Variants in LDAH observed in about 807,000 individuals in gnomAD.
The protein encoded by LDAH is lipid droplet-associated hydrolase.
In LDAH, 26 loss-of-function variants were observed where a neutral mutation model predicts 29.6. That is an observed-to-expected ratio of 0.88 (90% CI 0.64 to 1.22). The LOEUF (loss-of-function observed/expected upper bound fraction) is 1.22, where lower values mean the gene tolerates loss of function less well. Ranked by LOEUF, LDAH falls within the 50% of genes most tolerant of loss-of-function variation. LDAH has a pLI of 0.00. For missense variants in LDAH, 344 were observed against 387.3 expected, an observed-to-expected ratio of 0.89 and a Z score of 0.94; for synonymous variants, 117 against 133.0, an observed-to-expected ratio of 0.88 and a Z score of 0.83.
chr2:20,695,751 A>T (rs1280412171), intron 6 of LDAH, among the ~76,000 whole-genome samples: 2 of 152,122 alleles, frequency 1.3e-5, no homozygotes, highest in African/African-American at 2.4e-5. Flanking sequence ...CCCGGCGGAG[A>T]TACTCTTATA....
chr2:20,699,190 G>A (rs1337001080), intron 6 of LDAH, among the ~76,000 whole-genome samples: 2 of 152,160 alleles, frequency 1.3e-5, no homozygotes, highest in Admixed American at 6.5e-5. Context: ...TATTCACACT[G>A]GACAGTCCTG....
chr2:20,774,008 A>G (rs971944815), intron 4 of LDAH, among the ~76,000 whole-genome samples: 6 of 152,114 alleles, frequency 3.9e-5, no homozygotes, highest in Non-Finnish European at 8.8e-5. Flanking sequence ...TACTTCAAAG[A>G]CTGTCTTACT....
intron 4 of LDAH, among the ~76,000 whole-genome samples, chr2:20,762,681 T>C (rs1178016252): frequency 1.3e-5 from 2 of 152,222 alleles, no homozygotes; most frequent in Non-Finnish European, 2.9e-5. Flanking sequence ...TTTTGATATA[T>C]TAGTTCTTCA....
chr2:20,738,081 G>C (rs1666919607), intron 5 of LDAH, among the ~76,000 whole-genome samples: 1 of 145,610 alleles, frequency 6.9e-6, no homozygotes, highest in South Asian at 2.2e-4. Flanking sequence ...GTGAAACTCT[G>C]TCTCTAAAAA....
chr2:20,792,096 C>T (rs1338645591), intron 2 of LDAH, among the ~76,000 whole-genome samples: 1 of 151,810 alleles, frequency 6.6e-6, no homozygotes. Context: ...AGTTTCAATT[C>T]TTAAAAATCT....
intron 4 of LDAH, among the ~76,000 whole-genome samples, chr2:20,765,151 A>G (rs1572578037): frequency 6.6e-6 from 1 of 152,266 alleles, no homozygotes; most frequent in Admixed American, 6.5e-5. Context: ...GTAGACTAAA[A>G]GACAAATGGA....
At position 20,774,997 on chromosome 2, in the gene LDAH, A is replaced by G; in HGVS notation, c.299-18T>C. 6.3e-7 allele frequency: 1 copy of G among 1,576,062 alleles called. No individual in the cohort carries two copies. The highest frequency in any genetic ancestry group is 1.4e-5 in the African/African-American group (1 of 73,556). Reference sequence around the variant, plus strand: ...GTTTGAATCTAAAAGCAAAAATATGAGCACGTTTTCATTAAGTAAAAGTAA... The same window carrying G: ...GTTTGAATCTAAAAGCAAAAATATGGGCACGTTTTCATTAAGTAAAAGTAA... On this transcript the variant is annotated intron_variant, in intron 3 of 6. Transcript: ENST00000237822.
At chr2:20,744,186 A>G (rs1667410209) in intron 4 of LDAH, among the ~76,000 whole-genome samples, 1 of 148,418 alleles carries the variant, frequency 6.7e-6, no homozygotes, top group African/African-American at 2.5e-5. Flanking sequence ...CAGAATCCCT[A>G]TCTGTCTGGG....
At chr2:20,799,680 CTGCACCCTTCCCAGCCT>C (rs1305125294) in intron 2 of LDAH, among the ~76,000 whole-genome samples, 4 of 152,166 alleles carry the variant, frequency 2.6e-5, no homozygotes, top group Non-Finnish European at 5.9e-5. Flanking sequence ...CCTCCCAGCC[CTGCACCCTTCCCAGCCT>C]TTAGTATCTA....
intron 5 of LDAH, among the ~76,000 whole-genome samples, chr2:20,706,867 AAGG>A (rs1032032216): frequency 2.0e-5 from 3 of 152,246 alleles, no homozygotes; most frequent in Non-Finnish European, 4.4e-5. Context: ...ACAGTGCAAG[AAGG>A]AGAAGTACAA....
intron 4 of LDAH, among the ~76,000 whole-genome samples, chr2:20,774,239 C>T (rs1245242729): frequency 2.0e-5 from 3 of 152,152 alleles, no homozygotes; most frequent in Non-Finnish European, 4.4e-5. Flanking sequence ...GCGTCTCTAG[C>T]GCCTCACTTA....
At chr2:20,814,531 G>A (rs977589690) in intron 1 of LDAH, among the ~76,000 whole-genome samples, 2 of 151,942 alleles carry the variant, frequency 1.3e-5, no homozygotes, top group South Asian at 2.1e-4. Context: ...CACAATCTTC[G>A]CTCACTGCAG....
intron 5 of LDAH, among the ~76,000 whole-genome samples, chr2:20,731,533 CAT>C (rs892522489): frequency 6.6e-6 from 1 of 152,172 alleles, no homozygotes; most frequent in Non-Finnish European, 1.5e-5. Flanking sequence ...TGCATTAATA[CAT>C]GTTTACTATG....
intron 5 of LDAH, among the ~76,000 whole-genome samples, chr2:20,703,253 T>G (rs1309164651): frequency 1.3e-5 from 2 of 152,366 alleles, no homozygotes; most frequent in East Asian, 3.9e-4. Flanking sequence ...AAACCATAGT[T>G]TTCTTTTCCA....
intron 3 of LDAH, among the ~76,000 whole-genome samples, chr2:20,783,992 C>T (rs544749657): frequency 2.0e-5 from 3 of 152,268 alleles, no homozygotes; most frequent in East Asian, 1.9e-4. Flanking sequence ...GAATTACGGG[C>T]GTGTATAACT....
chr2:20,701,525 C>A, intron 6 of LDAH, 45 bp downstream of exon 6: 1 of 1,494,306 alleles, frequency 6.7e-7, no homozygotes, highest in Non-Finnish European at 9.3e-7. Flanking sequence ...CGTATCTCTG[C>A]CCATCTACTT....
chr2:20,817,045 T>C (rs1672901725), intron 1 of LDAH, among the ~76,000 whole-genome samples: 1 of 151,936 alleles, frequency 6.6e-6, no homozygotes, highest in South Asian at 2.1e-4. Flanking sequence ...ACAGCAAAAT[T>C]TGTGAGATGC....
intron 2 of LDAH, among the ~76,000 whole-genome samples, chr2:20,799,159 G>A (rs2125100241): frequency 6.6e-6 from 1 of 152,036 alleles, no homozygotes; most frequent in East Asian, 1.9e-4. Context: ...CCCAGGAGGT[G>A]GAGGGTTGCA....
At chr2:20,711,213 C>T (rs1462924590) in intron 5 of LDAH, among the ~76,000 whole-genome samples, 1 of 151,806 alleles carries the variant, frequency 6.6e-6, no homozygotes, top group African/African-American at 2.4e-5. Flanking sequence ...ATGGTGAAAC[C>T]CTGTCTCTAC....
Sources: allele counts gnomAD v4.1 joint callset (sites outside exome capture counted in the v4.1 genomes callset), GRCh38; gene constraint gnomAD v4.1.1; transcripts MANE v1.5; gene names NCBI Gene and HGNC (gene_info 2026-07-23, HGNC 2026-07-21).